Variants in FHOD3 observed in about 807,000 individuals in gnomAD.
The protein encoded by FHOD3 is FH1/FH2 domain-containing protein 3.
Under a neutral mutation model 173.0 loss-of-function variants are expected in FHOD3, and 90 were observed. The ratio of observed to expected loss-of-function variants is 0.52; its 90% CI spans 0.44 to 0.62. The LOEUF is 0.62. Among genes scored for constraint, FHOD3 ranks in the 20% least tolerant of loss-of-function variants. The pLI, the probability that FHOD3 is intolerant of heterozygous loss-of-function variation, is 0.00. For missense variants in FHOD3, 1,945 were observed against 2,034.7 expected (o/e 0.96, Z 0.85); for synonymous variants, 828 against 823.0 (o/e 1.01, Z -0.10).
intron 20 of FHOD3, among the ~76,000 whole-genome samples, chr18:36,737,862 G>C (rs1212573868): frequency 6.6e-6 from 1 of 152,190 alleles, no homozygotes; most frequent in Admixed American, 6.5e-5. Flanking sequence ...AACTAATATA[G>C]AGTGCAGTCG....
chr18:36,612,248 C>A (rs1204877408), intron 9 of FHOD3, among the ~76,000 whole-genome samples, 153 bp downstream of exon 9: 1 of 152,226 alleles, frequency 6.6e-6, no homozygotes, highest in Non-Finnish European at 1.5e-5. Context: ...CCTACTGAAT[C>A]AGAAACTCTG....
chr18:36,559,227 A>G (rs2058003010), intron 5 of FHOD3, among the ~76,000 whole-genome samples: 1 of 152,214 alleles, frequency 6.6e-6, no homozygotes, highest in African/African-American at 2.4e-5. Context: ...AAAACTGTCC[A>G]GCGTTTGATC....
At position 36,501,959 on chromosome 18, in the gene FHOD3, A is replaced by G. The variant is rs757152281; in HGVS notation, c.365A>G (p.Asp122Gly). 6.2e-7 allele frequency: 1 copy of G among 1,607,092 alleles called. No individual in the cohort carries two copies. The highest frequency in any genetic ancestry group is 1.1e-5 in the South Asian group (1 of 89,474). ...IEKLYNSSGRDLRRALFSLKQ... is the reference protein window; with the variant it reads ...IEKLYNSSGRGLRRALFSLKQ... ...AAACTATACAACTCCAGCGGACGAGATTTGAGAAGGGCCCTCTTCTCCCTG... is the reference window on the plus strand; with the variant it reads ...AAACTATACAACTCCAGCGGACGAGGTTTGAGAAGGGCCCTCTTCTCCCTG... Residue 122 changes from aspartate (D) to glycine (G), a missense_variant, in exon 4 of 29, where the codon GAT becomes GGT. By Grantham distance (94) the Asp-to-Gly change is moderately conservative (BLOSUM62 -1). Transcript: ENST00000590592.
chr18:36,734,646 G>A (rs1181480424), intron 20 of FHOD3, among the ~76,000 whole-genome samples: 2 of 152,206 alleles, frequency 1.3e-5, no homozygotes, highest in Admixed American at 1.3e-4. Context: ...CTAGATCCAT[G>A]TGCCAAACCA....
At chr18:36,709,062 C>T (rs766266985) in intron 17 of FHOD3, 33 bp from the exon 18 acceptor site, 87 of 1,593,834 alleles carry the variant, frequency 5.5e-5, no homozygotes, top group Non-Finnish European at 6.9e-5. Flanking sequence ...AGAAATCTGT[C>T]GTCAATATAA....
At chr18:36,734,975 A>G (rs542168390) in intron 20 of FHOD3, among the ~76,000 whole-genome samples, 6 of 152,226 alleles carry the variant, frequency 3.9e-5, no homozygotes, top group Non-Finnish European at 8.8e-5. Flanking sequence ...GTCATTTTTC[A>G]TAAGAGTATT....
chr18:36,316,271 A>G (rs920168229), intron 1 of FHOD3, among the ~76,000 whole-genome samples: 2 of 152,140 alleles, frequency 1.3e-5, no homozygotes, highest in Non-Finnish European at 2.9e-5. Flanking sequence ...AAAGCAGGGG[A>G]AATCTGTGAG....
intron 16 of FHOD3, among the ~76,000 whole-genome samples, chr18:36,687,971 G>A (rs533946393): frequency 6.6e-5 from 10 of 152,258 alleles, no homozygotes; most frequent in Non-Finnish European, 1.5e-4. Context: ...AGATTAAGAA[G>A]TATGTTATTA....
At chr18:36,486,362 G>A (rs1217816548) in intron 3 of FHOD3, among the ~76,000 whole-genome samples, 1 of 152,194 alleles carries the variant, frequency 6.6e-6, no homozygotes, top group Non-Finnish European at 1.5e-5. Context: ...TTCATAGGAT[G>A]TTCTTGTTTT....
chr18:36,384,747 C>T (rs956606816), intron 3 of FHOD3, among the ~76,000 whole-genome samples: 25 of 152,112 alleles, frequency 1.6e-4, no homozygotes, highest in African/African-American at 5.3e-4. Flanking sequence ...TGTGTGTCCA[C>T]GAGAAAGTTA....
At chr18:36,775,640 G>C (rs2043594567) in intron 28 of FHOD3, among the ~76,000 whole-genome samples, 1 of 152,188 alleles carries the variant, frequency 6.6e-6, no homozygotes, top group Non-Finnish European at 1.5e-5. Flanking sequence ...CATCTTAGTA[G>C]AGTCACCTGT....
chr18:36,532,677 G>A (rs1174531916), intron 5 of FHOD3, among the ~76,000 whole-genome samples: 6 of 152,174 alleles, frequency 3.9e-5, no homozygotes, highest in South Asian at 2.1e-4. Context: ...TAGTTACCAC[G>A]TGTTGTTCCA....
intron 1 of FHOD3, among the ~76,000 whole-genome samples, chr18:36,350,821 C>A (rs1421555034): frequency 6.6e-6 from 1 of 152,144 alleles, no homozygotes; most frequent in East Asian, 1.9e-4. Context: ...GTTTTTAGTT[C>A]TTCGGAAAGT....
At chr18:36,560,691 A>G (rs187355731) in intron 5 of FHOD3, among the ~76,000 whole-genome samples, 12 of 152,314 alleles carry the variant, frequency 7.9e-5, no homozygotes, top group Non-Finnish European at 1.6e-4. Flanking sequence ...AGTTTGGGCC[A>G]AAAGGAGGGT....
chr18:36,639,534 G>A (rs1195199055), intron 10 of FHOD3, among the ~76,000 whole-genome samples: 2 of 152,292 alleles, frequency 1.3e-5, no homozygotes, highest in East Asian at 3.9e-4. Flanking sequence ...GTGGTGGCGG[G>A]TGCCTGTAGT....
At chr18:36,403,124 T>G (rs1314631303) in intron 3 of FHOD3, among the ~76,000 whole-genome samples, 1 of 152,162 alleles carries the variant, frequency 6.6e-6, no homozygotes, top group East Asian at 1.9e-4. Context: ...AGACCAGAGC[T>G]GCAGCAGGCC....
intron 5 of FHOD3, among the ~76,000 whole-genome samples, chr18:36,565,761 G>T (rs1188594342): frequency 6.6e-6 from 1 of 152,134 alleles, no homozygotes; most frequent in Non-Finnish European, 1.5e-5. Flanking sequence ...AAAAGAAAAT[G>T]AAGTGAAGAG....
intron 16 of FHOD3, among the ~76,000 whole-genome samples, chr18:36,690,649 C>G (rs563488562): frequency 3.9e-5 from 6 of 152,256 alleles, no homozygotes; most frequent in Admixed American, 1.3e-4. Context: ...CTTCACCACT[C>G]TGGCCACTGC....
chr18:36,517,657 G>A lies in FHOD3; in HGVS notation c.511+5114G>A, dbSNP rs769140109. Among the ~76,000 whole-genome samples the A allele has an allele frequency of 6.6e-5, 10 of 152,086 alleles. No individual in the cohort carries two copies. In the South Asian group the frequency reaches 1.4e-3, roughly 22 times the overall value. ...CAATTAATCATAAAACGCCTCAGTC[G>A]GTATCAGTTATTTTAAAAGCTGGAT... On this transcript the variant is annotated intron_variant, in intron 5 of 28. Transcript: ENST00000590592.
Sources: allele counts gnomAD v4.1 joint callset (sites outside exome capture counted in the v4.1 genomes callset), GRCh38; gene constraint gnomAD v4.1.1; transcripts MANE v1.5; gene names NCBI Gene and HGNC (gene_info 2026-07-23, HGNC 2026-07-21).